The following SBF2 variants were observed in gnomAD, a reference collection of about 807,000 sequenced individuals.
The protein encoded by SBF2 is SET binding factor 2, also known as myotubularin-related protein 13.
A neutral mutation model predicts 225.2 loss-of-function variants in SBF2; 112 were observed. The observed-to-expected ratio is 0.50, with a 90% CI of 0.43 to 0.58. The LOEUF (loss-of-function observed/expected upper bound fraction) is 0.58. SBF2 is among the 20% of genes least tolerant of loss of function. The probability of loss-of-function intolerance (pLI) is 0.00; values close to 1 mark genes in which losing one functional copy is unlikely to be tolerated. For missense variants in SBF2, 1,996 were observed against 2,206.2 expected (o/e 0.90, Z 1.91); for synonymous variants, 763 against 773.3 (o/e 0.99, Z 0.22).
intron 19 of SBF2, among the ~76,000 whole-genome samples, chr11:9,855,175 G>A (rs891811525): frequency 2.6e-5 from 4 of 152,218 alleles, no homozygotes; most frequent in African/African-American, 9.6e-5. Context: ...GCCAGACTAT[G>A]TTGTTCCCAT....
At position 10,251,320 on chromosome 11, in the gene SBF2, G is replaced by A. The variant is rs180674655; in HGVS notation, c.55+42695C>T. ...CCTTTTTCCATGATTTAGAATAAAA[G>A]AGGCAATAATAAAAAATGTATCCCT... On this transcript the variant is annotated intron_variant, in intron 1 of 39. Transcript: ENST00000256190. Among the ~76,000 whole-genome samples, 4 of 152,244 alleles carry A rather than the reference G, an allele frequency of 2.6e-5. No homozygotes were observed. The East Asian group carries it at 7.7e-4, about 29-fold the overall frequency.
At chr11:10,145,287 A>G (rs759697398) in intron 2 of SBF2, among the ~76,000 whole-genome samples, 3 of 152,168 alleles carry the variant, frequency 2.0e-5, no homozygotes, top group Non-Finnish European at 4.4e-5. Flanking sequence ...TGATTTCTTC[A>G]AAGAATGAAG....
chr11:10,189,258 A>G (rs150204429), intron 2 of SBF2, among the ~76,000 whole-genome samples: 1 of 152,318 alleles, frequency 6.6e-6, no homozygotes, highest in African/African-American at 2.4e-5. Context: ...ATTTTCTTAA[A>G]CATCCCATAA....
chr11:9,937,477 A>T, intron 16 of SBF2, among the ~76,000 whole-genome samples: 1 of 152,224 alleles, frequency 6.6e-6, no homozygotes, highest in East Asian at 1.9e-4. Context: ...AACTAGTTCA[A>T]GATAATAAAA....
In SBF2 at chr11:9,812,807, C is replaced by G. The variant is rs377413072; in HGVS notation, c.3979-99G>C. On this transcript the variant is annotated intron_variant, in intron 29 of 39. Coordinates refer to ENST00000256190, the MANE Select transcript of SBF2 (RefSeq NM_030962.4). ...TGCATAATGACAAAGTTATTTGGGG[C>G]CAAATAGCTGCAGAGGCTGCCAATG... is the stretch of plus-strand genomic sequence containing the variant. The G allele has an allele frequency of 9.0e-6, 11 of 1,225,006 alleles. No homozygotes were observed. In the African/African-American group the frequency reaches 9.0e-5, roughly 10 times the overall value. The allele number at this position is 1,225,006 out of a possible 1,614,324, so 75.9% of individuals were successfully genotyped here.
intron 16 of SBF2, among the ~76,000 whole-genome samples, chr11:9,928,645 C>T (rs557786698): frequency 6.6e-5 from 10 of 152,300 alleles, no homozygotes; most frequent in Admixed American, 2.6e-4. Flanking sequence ...AAGACTTATG[C>T]ATGAATGTTG....
At chr11:9,834,828 C>A (rs752223493) in intron 26 of SBF2, among the ~76,000 whole-genome samples, 11 of 152,204 alleles carry the variant, frequency 7.2e-5, no homozygotes, top group Non-Finnish European at 1.2e-4. Flanking sequence ...GGAGCTACTT[C>A]AATAATCGGT....
chr11:9,872,405 T>C (rs573310976), intron 17 of SBF2, among the ~76,000 whole-genome samples: 8 of 152,292 alleles, frequency 5.3e-5, no homozygotes, highest in African/African-American at 1.9e-4. Flanking sequence ...GGCATACATT[T>C]ACCTCTGTGA....
intron 1 of SBF2, among the ~76,000 whole-genome samples, chr11:10,232,486 A>T (rs1958899565): frequency 6.6e-6 from 1 of 152,178 alleles, no homozygotes. Context: ...GAAGTCAGGA[A>T]ATACATAGAC....
chr11:10,142,940 G>A (rs1954713388), intron 2 of SBF2, among the ~76,000 whole-genome samples: 1 of 152,136 alleles, frequency 6.6e-6, no homozygotes, highest in Admixed American at 6.5e-5. Flanking sequence ...TGCAATGATA[G>A]CATATGTAAT....
intron 16 of SBF2, among the ~76,000 whole-genome samples, chr11:9,931,680 G>C (rs1864508819): frequency 6.6e-6 from 1 of 152,220 alleles, no homozygotes; most frequent in South Asian, 2.1e-4. Context: ...GGAGAAACCA[G>C]AGCAGAAAAG....
intron 2 of SBF2, among the ~76,000 whole-genome samples, chr11:10,169,685 G>C (rs1028091322): frequency 6.6e-6 from 1 of 152,022 alleles, no homozygotes; most frequent in Non-Finnish European, 1.5e-5. Context: ...CTTTCTTTTG[G>C]GTATATGCCT....
At chr11:9,873,776 C>T (rs774931416) in intron 17 of SBF2, among the ~76,000 whole-genome samples, 2 of 152,124 alleles carry the variant, frequency 1.3e-5, no homozygotes, top group African/African-American at 2.4e-5. Flanking sequence ...TGGCCGGGCA[C>T]GGTGGCTCAC....
intron 2 of SBF2, among the ~76,000 whole-genome samples, chr11:10,064,780 CA>C (rs1274531313): frequency 1.3e-5 from 2 of 152,046 alleles, no homozygotes; most frequent in Non-Finnish European, 2.9e-5. Context: ...CTATGTGAAA[CA>C]AATCTGATAG....
intron 1 of SBF2, among the ~76,000 whole-genome samples, chr11:10,288,849 T>C (rs1963968255): frequency 6.6e-6 from 1 of 152,198 alleles, no homozygotes; most frequent in African/African-American, 2.4e-5. Context: ...CAATTGTCCA[T>C]AGGTGGGCCC....
intron 2 of SBF2, among the ~76,000 whole-genome samples, chr11:10,166,854 C>T (rs1020850110): frequency 3.3e-5 from 5 of 151,966 alleles, no homozygotes; most frequent in African/African-American, 1.2e-4. Flanking sequence ...CCCAGCCACT[C>T]AGGAGACTGA....
intron 6 of SBF2, among the ~76,000 whole-genome samples, chr11:10,022,505 T>C (rs1487877851): frequency 1.3e-5 from 2 of 152,138 alleles, no homozygotes; most frequent in Non-Finnish European, 2.9e-5. Context: ...ATCAAATGTA[T>C]GGCTTAATAA....
chr11:9,894,063 T>G (rs1470771816), intron 17 of SBF2, among the ~76,000 whole-genome samples: 1 of 151,638 alleles, frequency 6.6e-6, no homozygotes, highest in East Asian at 1.9e-4. Context: ...CTGGGCAACA[T>G]GATGAAACTC....
At chr11:10,202,705 G>A (rs1298238304) in intron 1 of SBF2, among the ~76,000 whole-genome samples, 2 of 152,120 alleles carry the variant, frequency 1.3e-5, no homozygotes, top group South Asian at 2.1e-4. Context: ...GGAGAATGGC[G>A]TGAACCCGGG....
Sources: gnomAD v4.1 joint callset for allele counts (sites outside exome capture counted in the v4.1 genomes callset) on GRCh38, gnomAD v4.1.1 for gene constraint, MANE v1.5 for transcripts, NCBI Gene and HGNC (gene_info 2026-07-23, HGNC 2026-07-21) for gene names.